SPTBN5: variants seen among roughly 807,000 people sequenced by gnomAD.
The protein encoded by SPTBN5 is spectrin beta, non-erythrocytic 5, also known as spectrin beta chain, non-erythrocytic 5.
Under a neutral mutation model 477.6 loss-of-function variants are expected in SPTBN5, and 513 were observed. The ratio of observed to expected loss-of-function variants is 1.07; its 90% CI spans 1.00 to 1.16. The LOEUF is 1.16. Ranked by LOEUF, SPTBN5 falls within the 50% of genes most tolerant of loss-of-function variation. The pLI, the probability that SPTBN5 is intolerant of heterozygous loss-of-function variation, is 0.00. For missense variants in SPTBN5, 5,062 were observed against 4,731.8 expected, an observed-to-expected ratio of 1.07 and a Z score of -2.05; for synonymous variants, 2,169 against 2,011.7, an observed-to-expected ratio of 1.08 and a Z score of -2.09.
chr15:41,849,839 C>G, intron 67 of SPTBN5, 30 bp downstream of exon 67: 1 of 1,533,640 alleles, frequency 6.5e-7, no homozygotes, highest in African/African-American at 1.4e-5. Context: ...CAGGGCTCCC[C>G]GCCCTGCTTC....
At position 41,855,614 on chromosome 15, in the gene SPTBN5, G is replaced by A; in HGVS notation, c.9153C>T (p.Phe3051=). 1 of 1,611,204 alleles carries A rather than the reference G, an allele frequency of 6.2e-7. No individual in the cohort carries two copies. The highest frequency in any genetic ancestry group is 8.5e-7 in the Non-Finnish European group (1 of 1,179,686). Residue 3051 remains phenylalanine (F), a synonymous_variant, in exon 54 of 68, where the codon TTC becomes TTT. Coordinates refer to ENST00000320955, the MANE Select transcript of SPTBN5 (RefSeq NM_016642.4). The stretch of plus-strand genomic sequence containing the variant: ...GCTGCAGCCGCTCGATGCGTGGGCT[G>A]AACGCTTCCAGGTCTCTCTTGGTGG... The part of the protein sequence containing the change: ...LEATKRDLEA[F]SPRIERLQQT...
Position 41,854,089 on chromosome 15 carries a change from T to G in SPTBN5, c.9735A>C (p.Ser3245=), listed in dbSNP as rs1473128301. The G allele has an allele frequency of 6.3e-7, 1 of 1,580,798 alleles. No individual in the cohort carries two copies. The highest frequency in any genetic ancestry group is 2.3e-5 in the East Asian group (1 of 43,194). The change falls in exon 57 of 68, where the codon TCA becomes TCC. Residue 3245 remains serine (S), a synonymous_variant. Transcript: ENST00000320955. ...GCTGTTGCTGCAGGGTCCGCACAGA[T>G]GACAGGCTGTGGCCTCCGTCCTCCC... ...MKGEDGGHSL[S]SVRTLQQQHR...
Position 41,893,329 on chromosome 15 carries a change from C to T in SPTBN5, c.169G>A (p.Glu57Lys), listed in dbSNP as rs1306504842. The change falls in exon 2 of 68, where the codon GAG becomes AAG. Residue 57 changes from glutamate (E) to lysine (K), a missense_variant. Glu to Lys is a moderately conservative substitution (Grantham distance 56, BLOSUM62 1). Coordinates refer to ENST00000320955, the MANE Select transcript of SPTBN5 (RefSeq NM_016642.4). ...KLQARHMQMQ[E>K]KTFTKWINNV... ...TTGATCCACTTGGTGAAAGTCTTCT[C>T]CTGCATCTGCATGTGCCGGGCCTGT... 1.2e-6 allele frequency: 2 copies of T among 1,613,926 alleles called. No individual in the cohort carries two copies. The highest frequency in any genetic ancestry group is 1.7e-6 in the Non-Finnish European group (2 of 1,179,912).
At position 41,883,574 on chromosome 15, in the gene SPTBN5, G is replaced by T; in HGVS notation, c.1521-88C>A. The T allele has an allele frequency of 7.3e-6, 11 of 1,506,634 alleles. No individual in the cohort carries two copies. The South Asian group carries it at 1.4e-4, about 19-fold the overall frequency. The allele number at this position is 1,506,634 out of a possible 1,614,324, so 93.3% of individuals were successfully genotyped here. On this transcript the variant is annotated intron_variant, in intron 7 of 67. Coordinates refer to ENST00000320955, the MANE Select transcript of SPTBN5 (RefSeq NM_016642.4). ...TCCTGGTCTGTGGTGGGGCTTGGCT[G>T]CCCTGGAAGAGTCTGACCTCCATGG...
intron 67 of SPTBN5, 79 bp from the exon 68 acceptor site, chr15:41,848,707 T>C: frequency 6.5e-7 from 1 of 1,531,912 alleles, no homozygotes. Context: ...CTGGTGCCCC[T>C]GCCCTCCCCT....
In SPTBN5 at chr15:41,874,036, C is replaced by T. The variant is rs1490908973; in HGVS notation, c.4699G>A (p.Val1567Met). ...SLHRKHKELQ[V>M]EVKAHQGQVQ... Reference sequence around the variant, plus strand: ...TGCCCCTGGTGAGCTTTTACCTCCACCTGGAGCTCCTGCCACAGAGTGGCT... The same window carrying T: ...TGCCCCTGGTGAGCTTTTACCTCCATCTGGAGCTCCTGCCACAGAGTGGCT... Residue 1567 changes from valine (V) to methionine (M), a missense_variant, in exon 25 of 68, where the codon GTG becomes ATG. Physicochemically the swap from Val to Met is conservative, Grantham distance 21. Transcript: ENST00000320955. The T allele has an allele frequency of 6.3e-7, 1 of 1,592,462 alleles. No homozygotes were observed. The highest frequency in any genetic ancestry group is 1.7e-5 in the Admixed American group (1 of 58,470).
Position 41,848,632 on chromosome 15 carries a change from T to C in SPTBN5, c.11013-4A>G, listed in dbSNP as rs985120954. The C allele has an allele frequency of 3.7e-6, 6 of 1,613,842 alleles. No individual in the cohort carries two copies. The highest frequency in any genetic ancestry group is 1.7e-4 in the Middle Eastern group (1 of 6,058). On this transcript the variant is annotated splice_region_variant and splice_polypyrimidine_tract_variant and intron_variant, in intron 67 of 67. Coordinates refer to ENST00000320955, the MANE Select transcript of SPTBN5 (RefSeq NM_016642.4). ...GGGTTCACCTCAGGGATCAGACCTG[T>C]TGGGAAAACGGAATGAATTTAGTAG...
At position 41,867,078 on chromosome 15, in the gene SPTBN5, G is replaced by A. The variant is rs1335925776; in HGVS notation, c.6361C>T (p.Arg2121Trp). ...TGCAGCAGGATGGGAAGCCGGTCCC[G>A]CACCCGGGGGCGCCGGAGCGTCTTC... ...RLKTLRRPRV[R>W]DRLPILLQRR... Residue 2121 changes from arginine (R) to tryptophan (W), a missense_variant, in exon 36 of 68, where the codon CGG becomes TGG. Coordinates refer to ENST00000320955, the MANE Select transcript of SPTBN5 (RefSeq NM_016642.4). 7 of 1,546,530 alleles carry A rather than the reference G, an allele frequency of 4.5e-6. No homozygotes were observed. Among genetic ancestry groups the A allele is most frequent in the East Asian group, 2.4e-5 (1 of 41,014 alleles).
intron 47 of SPTBN5, among the ~76,000 whole-genome samples, chr15:41,859,530 T>C (rs1208378595): frequency 2.6e-5 from 4 of 152,112 alleles, no homozygotes; most frequent in Admixed American, 1.3e-4. Flanking sequence ...TTAAAAGAGG[T>C]AATTAAGTGA....
intron 54 of SPTBN5, 31 bp downstream of exon 54, chr15:41,855,518 C>G: frequency 6.2e-7 from 1 of 1,602,704 alleles, no homozygotes; most frequent in South Asian, 1.1e-5. Context: ...CTTCTCTCTG[C>G]TCCTTCGCGG....
rs777033912 is a variant in SPTBN5, at chr15:41,857,372, C to G, written c.8487G>C (p.Gln2829His). Residue 2829 changes from glutamine to histidine, a missense_variant, in exon 51 of 68, where the codon CAG becomes CAC. Transcript: ENST00000320955. ...LPGVGELLGT[Q>H]RELEAAVDKK... ...TGTCCACTGCTGCCTCCAGCTCCCT[C>G]TGTGTGCCCAGGAGCTCGCCCACCC... 4 of 1,578,810 alleles carry G rather than the reference C, an allele frequency of 2.5e-6. No individual in the cohort carries two copies. In the East Asian group the frequency reaches 9.3e-5, roughly 37 times the overall value.
At chr15:41,858,846 C>A in intron 48 of SPTBN5, 44 bp downstream of exon 48, 1 of 1,548,262 alleles carries the variant, frequency 6.5e-7, no homozygotes, top group South Asian at 1.2e-5. Context: ...CCTGGGTCGA[C>A]TCCTTCCCCA....
chr15:41,888,334 G>A (rs2067217053), intron 4 of SPTBN5, among the ~76,000 whole-genome samples: 1 of 152,270 alleles, frequency 6.6e-6, no homozygotes, highest in African/African-American at 2.4e-5. Context: ...CTGCAGAGGC[G>A]CTGGCTTTGT....
At chr15:41,852,495 C>CACCACCGCAGCTGGCCAGGGAAAGGA in intron 61 of SPTBN5, 139 bp downstream of exon 61, 4 of 1,294,096 alleles carry the variant, frequency 3.1e-6, no homozygotes, top group Non-Finnish European at 4.4e-6. Context: ...GTGCCTCTCC[C>CACCACCGCAGCTGGCCAGGGAAAGGA]ACCACCGCAG....
rs933760088 is a variant in SPTBN5 at position 41,882,016 on chromosome 15, C to A, written c.2377G>T (p.Val793Phe). The A allele has an allele frequency of 2.6e-6, 4 of 1,538,806 alleles. No homozygotes were observed. The highest frequency in any genetic ancestry group is 3.5e-6 in the Non-Finnish European group (4 of 1,152,338). ...LLRRHVRLERVLRAFAAELRR... is the reference protein window; with the variant it reads ...LLRRHVRLERFLRAFAAELRR... ...AGCTCGGCCGCGAAGGCGCGCAGGACGCGCTCCAGCCGCACGTGGCGCCTC... is the reference window on the plus strand; with the variant it reads ...AGCTCGGCCGCGAAGGCGCGCAGGAAGCGCTCCAGCCGCACGTGGCGCCTC... The change falls in exon 12 of 68, where the codon GTC becomes TTC. Residue 793 changes from valine to phenylalanine, a missense_variant. Coordinates refer to ENST00000320955, the MANE Select transcript of SPTBN5 (RefSeq NM_016642.4).
rs188694952 is a variant in SPTBN5, at chr15:41,854,920, G to A, written c.9480C>T (p.Ala3160=). Residue 3160 remains alanine, a synonymous_variant, in exon 56 of 68, where the codon GCC becomes GCT. Coordinates refer to ENST00000320955, the MANE Select transcript of SPTBN5 (RefSeq NM_016642.4). ...FRKEVQSLGQ[A]KVYALRKLAG... is the part of the protein sequence containing the mutation. ...CCAACTTCCTCAGGGCATACACCTT[G>A]GCCTGGCCCAGGCTCTGCACTTCCT... 1.3e-3 allele frequency: 2,039 copies of A among 1,593,872 alleles called. 3 individuals are homozygous for A. Among genetic ancestry groups the A allele is most frequent in the Non-Finnish European group, 1.6e-3 (1,822 of 1,171,330 alleles).
intron 43 of SPTBN5, 31 bp from the exon 44 acceptor site, chr15:41,862,323 G>A: frequency 6.4e-7 from 1 of 1,565,722 alleles, no homozygotes; most frequent in Non-Finnish European, 8.7e-7. Flanking sequence ...CTAGTCGTCA[G>A]GCCTTCAAAC....
At chr15:41,852,084 G>C in intron 62 of SPTBN5, 98 bp downstream of exon 62, 1 of 1,444,394 alleles carries the variant, frequency 6.9e-7, no homozygotes, top group Non-Finnish European at 9.3e-7. Context: ...CCCAGCACTG[G>C]CTCCAGGGTG....
At position 41,853,618 on chromosome 15, in the gene SPTBN5, T is replaced by G; in HGVS notation, c.9944A>C (p.Gln3315Pro). 1 of 1,590,548 alleles carries G rather than the reference T, an allele frequency of 6.3e-7. No homozygotes were observed. Among genetic ancestry groups the G allele is most frequent in the Non-Finnish European group, 8.6e-7 (1 of 1,168,698 alleles). ...GCAGCGCCCGAGGAAGGCATGGCCC[T>G]GTGCAGCCTGCGCCAGCCACTGGCC... ...ERGQWLAQAA[Q>P]GHAFLGRCQE... The change falls in exon 58 of 68, where the codon CAG becomes CCG. Residue 3315 changes from glutamine to proline, a missense_variant. Physicochemically the swap from Gln to Pro is moderately conservative, Grantham distance 76. Coordinates refer to ENST00000320955, the MANE Select transcript of SPTBN5 (RefSeq NM_016642.4).
Sources: allele counts gnomAD v4.1 joint callset (sites outside exome capture counted in the v4.1 genomes callset), GRCh38; gene constraint gnomAD v4.1.1; transcripts MANE v1.5; gene names NCBI Gene and HGNC (gene_info 2026-07-23, HGNC 2026-07-21).